The following SHISA9 variants were observed in gnomAD, a reference collection of about 807,000 sequenced individuals.
SHISA9 encodes shisa family member 9.
Under a neutral mutation model 38.0 loss-of-function variants are expected in SHISA9, and 13 were observed. That is an observed-to-expected ratio of 0.34 (90% CI 0.22 to 0.54). The LOEUF (loss-of-function observed/expected upper bound fraction) is 0.54, where lower values mean the gene tolerates loss of function less well. Ranked by LOEUF, SHISA9 falls within the 20% of genes least tolerant of loss-of-function variation. The probability of loss-of-function intolerance (pLI) is 0.91; values close to 1 mark genes in which losing one functional copy is unlikely to be tolerated. For missense variants in SHISA9, 538 were observed against 575.8 expected, an observed-to-expected ratio of 0.93 and a Z score of 0.67; for synonymous variants, 275 against 242.0, an observed-to-expected ratio of 1.14 and a Z score of -1.27.
At chr16:13,088,376 C>T (rs565619163) in intron 2 of SHISA9, among the ~76,000 whole-genome samples, 86 of 152,100 alleles carry the variant, frequency 5.7e-4, no homozygotes, top group African/African-American at 1.8e-3. Context: ...TTGATGGGGA[C>T]GGCATTTAAT....
intron 2 of SHISA9, among the ~76,000 whole-genome samples, chr16:13,181,841 AGATG>A (rs2050782054): frequency 6.6e-6 from 1 of 152,178 alleles, no homozygotes; most frequent in Admixed American, 6.5e-5. Flanking sequence ...AATACCCTTG[AGATG>A]TGTGTGTTGG....
chr16:13,178,427 A>T (rs2050750060), intron 2 of SHISA9, among the ~76,000 whole-genome samples: 1 of 150,448 alleles, frequency 6.6e-6, no homozygotes, highest in South Asian at 2.1e-4. Flanking sequence ...TCTGCCTCCC[A>T]TCTTGGGCCC....
chr16:13,365,911 A>G, the SHISA9 span, among the ~76,000 whole-genome samples: 1 of 152,176 alleles, frequency 6.6e-6, no homozygotes, highest in Non-Finnish European at 1.5e-5. Flanking sequence ...CCTTTGAAAA[A>G]AATTAAGGAC....
At chr16:13,440,804 C>T in the SHISA9 span, among the ~76,000 whole-genome samples, 1 of 152,034 alleles carries the variant, frequency 6.6e-6, no homozygotes, top group Non-Finnish European at 1.5e-5. Flanking sequence ...TGCCTGTAGT[C>T]CCAGCTACTC....
At chr16:13,475,080 A>G in the SHISA9 span, among the ~76,000 whole-genome samples, 1 of 152,164 alleles carries the variant, frequency 6.6e-6, no homozygotes, top group Non-Finnish European at 1.5e-5. Context: ...GAAAAGAATG[A>G]AAGTAAGAAA....
the SHISA9 span, among the ~76,000 whole-genome samples, chr16:13,478,580 G>T: frequency 8.3e-4 from 127 of 152,252 alleles, 1 homozygote; most frequent in Middle Eastern, 0.014. Flanking sequence ...ATCCTGGAAG[G>T]TCTGTTCCAC....
At chr16:13,095,230 C>T (rs2073813531) in intron 2 of SHISA9, among the ~76,000 whole-genome samples, 1 of 152,244 alleles carries the variant, frequency 6.6e-6, no homozygotes, top group South Asian at 2.1e-4. Flanking sequence ...AAATGCTTTT[C>T]ATTCCTGTCT....
the SHISA9 span, among the ~76,000 whole-genome samples, chr16:13,548,638 GCAAATCAGAACCA>G: frequency 1.0e-3 from 159 of 152,242 alleles, no homozygotes; most frequent in African/African-American, 3.5e-3. Context: ...TCAGGGAAAT[GCAAATCAGAACCA>G]CAGTGAAGTA....
the SHISA9 span, among the ~76,000 whole-genome samples, chr16:13,449,485 A>G: frequency 2.0e-5 from 3 of 152,280 alleles, no homozygotes; most frequent in South Asian, 4.2e-4. Context: ...GCATGAGGGA[A>G]CTTCCTGGAG....
chr16:12,984,851 G>T (rs528297386), intron 2 of SHISA9, among the ~76,000 whole-genome samples: 2 of 152,076 alleles, frequency 1.3e-5, no homozygotes, highest in Non-Finnish European at 1.5e-5. Flanking sequence ...AAGTCTGTAC[G>T]GCCTGAGGTG....
At chr16:13,122,972 G>A (rs1289457332) in intron 2 of SHISA9, among the ~76,000 whole-genome samples, 5 of 151,584 alleles carry the variant, frequency 3.3e-5, no homozygotes, top group East Asian at 3.9e-4. Context: ...GCTTGAACCC[G>A]GGAAGCGGAG....
chr16:13,289,764 G>A, the SHISA9 span, among the ~76,000 whole-genome samples: 5 of 152,236 alleles, frequency 3.3e-5, no homozygotes, highest in Admixed American at 6.5e-5. Context: ...GAATGAATCT[G>A]CAAGCCCCAA....
chr16:13,292,583 A>G, the SHISA9 span, among the ~76,000 whole-genome samples: 315 of 152,152 alleles, frequency 2.1e-3, 1 homozygote, highest in Admixed American at 3.1e-3. Context: ...CCATCATGTA[A>G]TCAAGCCCAA....
chr16:13,061,807 G>A (rs1368773179), intron 2 of SHISA9, among the ~76,000 whole-genome samples: 1 of 152,200 alleles, frequency 6.6e-6, no homozygotes, highest in African/African-American at 2.4e-5. Flanking sequence ...GATACGAAGT[G>A]ATGGGTTGGG....
chr16:13,433,118 A>G, the SHISA9 span, among the ~76,000 whole-genome samples: 5 of 65,498 alleles, frequency 7.6e-5, no homozygotes, highest in Non-Finnish European at 1.6e-4. Context: ...AAAAAAAAAG[A>G]CAATAAATTG....
chr16:13,495,632 A>G, the SHISA9 span, among the ~76,000 whole-genome samples: 1 of 152,010 alleles, frequency 6.6e-6, no homozygotes, highest in African/African-American at 2.4e-5. Flanking sequence ...AAAAGAACTT[A>G]TCATTTCTGA....
the SHISA9 span, among the ~76,000 whole-genome samples, chr16:13,372,794 G>A: frequency 3.3e-5 from 5 of 152,090 alleles, no homozygotes; most frequent in Admixed American, 6.6e-5. Context: ...GAGATTGACC[G>A]ACCTACAGTC....
chr16:13,014,741 C>G (rs2072721043), intron 2 of SHISA9, among the ~76,000 whole-genome samples: 1 of 152,240 alleles, frequency 6.6e-6, no homozygotes, highest in African/African-American at 2.4e-5. Context: ...CTGAAGGCTG[C>G]TAACCCCTCC....
chr16:13,147,920 C>T (rs1461906833), intron 2 of SHISA9, among the ~76,000 whole-genome samples: 1 of 152,212 alleles, frequency 6.6e-6, no homozygotes, highest in Non-Finnish European at 1.5e-5. Flanking sequence ...ATGCTACTCA[C>T]CCCAAATACT....
Sources: allele counts gnomAD v4.1 joint callset (sites outside exome capture counted in the v4.1 genomes callset), GRCh38; gene constraint gnomAD v4.1.1; transcripts MANE v1.5; gene names NCBI Gene and HGNC (gene_info 2026-07-23, HGNC 2026-07-21).